The following TM7SF3 variants were observed in gnomAD, a reference collection of about 807,000 sequenced individuals.
TM7SF3 encodes seven span transmembrane protein.
Under a neutral mutation model 65.5 loss-of-function variants are expected in TM7SF3, and 60 were observed. The ratio of observed to expected loss-of-function variants is 0.92; its 90% confidence interval spans 0.74 to 1.14. The LOEUF is 1.14. TM7SF3 is among the 50% of genes most tolerant of loss of function. The probability of loss-of-function intolerance (pLI) is 0.00; values close to 1 mark genes in which losing one functional copy is unlikely to be tolerated. For missense variants in TM7SF3, 623 were observed against 684.8 expected, an observed-to-expected ratio of 0.91 and a Z score of 1.01; for synonymous variants, 264 against 259.6, an observed-to-expected ratio of 1.02 and a Z score of -0.16.
intron 5 of TM7SF3, 54 bp from the exon 6 acceptor site, chr12:26,990,681 C>A (rs765250112): frequency 8.0e-6 from 11 of 1,377,350 alleles, no homozygotes; most frequent in Non-Finnish European, 1.1e-5. Context: ...TTAAGCTATT[C>A]TGTGATAATC....
chr12:27,013,989 G>A, intron 1 of TM7SF3, 89 bp downstream of exon 1: 1 of 1,140,382 alleles, frequency 8.8e-7, no homozygotes, highest in South Asian at 1.3e-5. Flanking sequence ...CCATCTCCCT[G>A]CTAGGCTGAC....
At position 26,976,204 on chromosome 12, in the gene TM7SF3, A is replaced by G. The variant is rs572087888; in HGVS notation, c.1287+56T>C. 7.8e-5 allele frequency: 101 copies of G among 1,294,514 alleles called. No individual in the cohort carries two copies. The East Asian group carries it at 2.3e-3, about 29-fold the overall frequency. The allele number at this position is 1,294,514 out of a possible 1,614,324, so 80.2% of individuals were successfully genotyped here. ...ATGCAAAATGATGAAATAAGTGATC[A>G]GCTGAACACACAGGATAACATAATC... On this transcript the variant is annotated intron_variant, in intron 10 of 11. Transcript: ENST00000343028.
At chr12:27,002,647 T>C (rs1195049537) in intron 2 of TM7SF3, among the ~76,000 whole-genome samples, 1 of 152,168 alleles carries the variant, frequency 6.6e-6, no homozygotes, top group Non-Finnish European at 1.5e-5. Flanking sequence ...TCTTCATAGC[T>C]TAAACTAACC....
chr12:26,990,536 G>A lies in TM7SF3; in HGVS notation c.782C>T (p.Pro261Leu), dbSNP rs766621819. 19 of 1,613,700 alleles carry A rather than the reference G, an allele frequency of 1.2e-5. No homozygotes were observed. The Admixed American group carries it at 1.8e-4, about 16-fold the overall frequency. Residue 261 changes from proline (P) to leucine (L), a missense_variant, in exon 6 of 12, where the codon CCG becomes CTG. By Grantham distance (98) the Pro-to-Leu change is moderately conservative (BLOSUM62 -3). Transcript: ENST00000343028. ...GVIYNVIVWD[P>L]FLNTSAAYIP... ...GTAGGCAGCAGATGTATTTAGAAAC[G>A]GGTCCCAAACAATGACATTGTATAT...
chr12:27,008,975 C>A (rs7314497), intron 1 of TM7SF3, among the ~76,000 whole-genome samples: 1 of 152,054 alleles, frequency 6.6e-6, no homozygotes, highest in Non-Finnish European at 1.5e-5. Flanking sequence ...ATATCCTGTA[C>A]CTACACTTGT....
At chr12:27,012,025 C>T (rs193225472) in intron 1 of TM7SF3, among the ~76,000 whole-genome samples, 3 of 152,326 alleles carry the variant, frequency 2.0e-5, no homozygotes, top group African/African-American at 4.8e-5. Flanking sequence ...TCAAATTCTT[C>T]ACCTGTTAAA....
chr12:26,975,379 C>T, intron 11 of TM7SF3, 117 bp downstream of exon 11: 2 of 993,478 alleles, frequency 2.0e-6, no homozygotes, highest in Non-Finnish European at 3.0e-6. Context: ...TGCTGTGTTC[C>T]CTCCTTTTGT....
rs528017589 is a variant in TM7SF3 at position 26,999,089 on chromosome 12, C to T, written c.397+437G>A. 2.6e-5 allele frequency among the ~76,000 whole-genome samples: 4 copies of T among 152,238 alleles called. No homozygotes were observed. In the East Asian group the frequency reaches 5.8e-4, roughly 22 times the overall value. ...AGCTTTCAGTCATCGTGCTAATTCTCTTACTATAAAATATTTCTGATTATA... is the reference window on the plus strand; with the variant it reads ...AGCTTTCAGTCATCGTGCTAATTCTTTTACTATAAAATATTTCTGATTATA... On this transcript the variant is annotated intron_variant, in intron 3 of 11. Coordinates refer to ENST00000343028, the MANE Select transcript of TM7SF3 (RefSeq NM_016551.3).
At position 27,014,126 on chromosome 12, in the gene TM7SF3, C is replaced by A. The variant is rs866123723; in HGVS notation, c.43G>T (p.Glu15Ter). The A allele has an allele frequency of 1.9e-6, 3 of 1,570,880 alleles. No homozygotes were observed. Among genetic ancestry groups the A allele is most frequent in the Non-Finnish European group, 2.6e-6 (3 of 1,158,030 alleles). ...TCGGCTGCACCAGCCACCCGGTGTTCGGATGCCAGCACCGCTACGACCAGC... is the reference window on the plus strand; with the variant it reads ...TCGGCTGCACCAGCCACCCGGTGTTAGGATGCCAGCACCGCTACGACCAGC... ...QLLVVAVLAS[E>*]HRVAGAAEVF... Residue 15 changes from glutamate (E) to a stop codon, truncating the protein, a stop_gained, in exon 1 of 12, where the codon GAA becomes TAA. Coordinates refer to ENST00000343028, the MANE Select transcript of TM7SF3 (RefSeq NM_016551.3). LOFTEE classifies it high-confidence loss of function.
chr12:27,011,347 G>C (rs369398947), intron 1 of TM7SF3, among the ~76,000 whole-genome samples: 1 of 152,200 alleles, frequency 6.6e-6, no homozygotes, highest in East Asian at 1.9e-4. Flanking sequence ...CTAAACAAAT[G>C]AAAGATGTTA....
intron 5 of TM7SF3, among the ~76,000 whole-genome samples, chr12:26,991,089 A>G (rs11048799): frequency 0.073 from 11,070 of 151,680 alleles, 503 homozygotes; most frequent in Non-Finnish European, 0.1. Context: ...TTTGTCTAAC[A>G]GTCTCTGAAA....
chr12:26,987,214 C>T (rs1030165194), intron 6 of TM7SF3, among the ~76,000 whole-genome samples: 2 of 152,140 alleles, frequency 1.3e-5, no homozygotes, highest in South Asian at 4.1e-4. Flanking sequence ...CTCTGAATTC[C>T]AGGCTTATAT....
chr12:26,984,379 A>C (rs1370174231), intron 6 of TM7SF3, among the ~76,000 whole-genome samples: 1 of 151,990 alleles, frequency 6.6e-6, no homozygotes, highest in African/African-American at 2.4e-5. Flanking sequence ...CAGTGAGCCA[A>C]GGATCAGGCC....
At chr12:26,997,222 G>A (rs1940635416) in intron 3 of TM7SF3, among the ~76,000 whole-genome samples, 1 of 152,204 alleles carries the variant, frequency 6.6e-6, no homozygotes, top group South Asian at 2.1e-4. Flanking sequence ...AAAACTTTAT[G>A]TACAAAAACA....
intron 1 of TM7SF3, among the ~76,000 whole-genome samples, chr12:27,005,185 A>T (rs1258765916): frequency 6.6e-6 from 1 of 152,208 alleles, no homozygotes; most frequent in Non-Finnish European, 1.5e-5. Flanking sequence ...AAGTCTTAAA[A>T]ATTCCCACCC....
chr12:26,983,003 T>C (rs1036059996), intron 6 of TM7SF3, 144 bp from the exon 7 acceptor site: 10 of 588,092 alleles, frequency 1.7e-5, no homozygotes, highest in Non-Finnish European at 2.9e-5. Context: ...ATCTTTAAAA[T>C]ACTCTTGCCA....
intron 3 of TM7SF3, among the ~76,000 whole-genome samples, chr12:26,998,298 G>C (rs540255290): frequency 6.6e-6 from 1 of 152,186 alleles, no homozygotes; most frequent in East Asian, 1.9e-4. Context: ...AAATATCCAA[G>C]TACATGCCTG....
intron 6 of TM7SF3, among the ~76,000 whole-genome samples, chr12:26,987,960 T>C (rs996045082): frequency 6.6e-6 from 1 of 151,952 alleles, no homozygotes; most frequent in African/African-American, 2.4e-5. Flanking sequence ...TAATCAAAAT[T>C]TAATTATGAG....
intron 2 of TM7SF3, 98 bp from the exon 3 acceptor site, chr12:26,999,774 A>C: frequency 7.9e-7 from 1 of 1,267,140 alleles, no homozygotes; most frequent in Non-Finnish European, 1.1e-6. Flanking sequence ...AATCTTCCCA[A>C]AACAAATAGA....
Sources: allele counts gnomAD v4.1 joint callset (sites outside exome capture counted in the v4.1 genomes callset), GRCh38; gene constraint gnomAD v4.1.1; transcripts MANE v1.5; gene names NCBI Gene and HGNC (gene_info 2026-07-23, HGNC 2026-07-21).